Variants in COL5A1 observed in about 807,000 individuals in gnomAD.
COL5A1 encodes the protein collagen type V alpha 1 chain.
In COL5A1, 16 loss-of-function variants were observed where a neutral mutation model predicts 263.7. The observed-to-expected ratio is 0.06, with a 90% CI of 0.04 to 0.09. The LOEUF (loss-of-function observed/expected upper bound fraction) is 0.09. Among genes scored for constraint, COL5A1 ranks in the 10% least tolerant of loss-of-function variants. COL5A1 has a pLI of 1.00. For synonymous variants in COL5A1, 1,012 were observed against 1,004.5 expected, an observed-to-expected ratio of 1.01 and a Z score of -0.14; for missense variants, 2,036 against 2,540.5, an observed-to-expected ratio of 0.80 and a Z score of 4.27.
rs143859495 is a variant in COL5A1, at chr9:134,835,184, G to A, written c.5350G>A (p.Ala1784Thr). The change falls in exon 65 of 66, where the codon GCC (alanine) becomes ACC (threonine). Residue 1784 changes from alanine to threonine, a missense_variant. Ala to Thr is a moderately conservative substitution (Grantham distance 58). Transcript: ENST00000371817. ...MSYDNNPYIRALVDGCATKKG... is the reference protein window; with the variant it reads ...MSYDNNPYIRTLVDGCATKKG... ...CTATGACAACAACCCCTACATCCGC[G>A]CCCTGGTGGACGGCTGTGCTGTGAG... 1.1e-3 allele frequency: 1,714 copies of A among 1,613,598 alleles called. 4 individuals are homozygous for A. Among genetic ancestry groups the A allele is most frequent in the South Asian group, 1.6e-3 (148 of 91,080 alleles).
chr9:134,762,012 C>T, intron 19 of COL5A1, 34 bp downstream of exon 19: 1 of 1,604,972 alleles, frequency 6.2e-7, no homozygotes, highest in Non-Finnish European at 8.5e-7. Flanking sequence ...ACTGCTCCTG[C>T]CTGCCCTACT....
At chr9:134,744,779 G>GCA (rs986792850) in intron 11 of COL5A1, among the ~76,000 whole-genome samples, 2 of 149,442 alleles carry the variant, frequency 1.3e-5, no homozygotes, top group Non-Finnish European at 1.5e-5. Context: ...ACTCATACAT[G>GCA]CACACACATA....
chr9:134,770,364 G>A (rs905151086), intron 25 of COL5A1, among the ~76,000 whole-genome samples: 4 of 152,198 alleles, frequency 2.6e-5, no homozygotes, highest in South Asian at 2.1e-4. Context: ...GATAGCACAC[G>A]CTGGGGAAAT....
intron 1 of COL5A1, among the ~76,000 whole-genome samples, chr9:134,683,049 G>A (rs1832908257): frequency 6.6e-6 from 1 of 152,226 alleles, no homozygotes; most frequent in South Asian, 2.1e-4. Context: ...TCCTGGGCAG[G>A]GGAGGCACCC....
intron 11 of COL5A1, among the ~76,000 whole-genome samples, chr9:134,747,330 G>C (rs575557588): frequency 1.3e-4 from 20 of 152,330 alleles, no homozygotes; most frequent in African/African-American, 4.8e-4. Flanking sequence ...ATGCTGAAAA[G>C]AGGGTCTTTG....
chr9:134,703,738 C>T (rs368019300), intron 4 of COL5A1, among the ~76,000 whole-genome samples: 10 of 150,112 alleles, frequency 6.7e-5, no homozygotes, highest in East Asian at 6.0e-4. Context: ...CCCGGGTTCA[C>T]GCCATTCTCC....
chr9:134,690,821 T>G (rs13284050), intron 1 of COL5A1, 91 bp from the exon 2 acceptor site: 1 of 1,456,744 alleles, frequency 6.9e-7, no homozygotes. Flanking sequence ...GTGGTGGGGG[T>G]GGGGGTGCTT....
rs182785688 is a variant in COL5A1, at chr9:134,764,242, C to T, written c.2034+505C>T. On this transcript the variant is annotated intron_variant, in intron 20 of 65. Transcript: ENST00000371817. ...GGTCTAGGGGCAACATGGCAGGGTTCAGTGGCACCATAGGGGGTCCGAGGG... is the reference window on the plus strand; with the variant it reads ...GGTCTAGGGGCAACATGGCAGGGTTTAGTGGCACCATAGGGGGTCCGAGGG... Among the ~76,000 whole-genome samples the T allele has an allele frequency of 8.6e-4, 93 of 108,080 alleles. 1 individual carries two copies. The highest frequency in any genetic ancestry group is 3.3e-3 in the African/African-American group (88 of 26,380). 70.9% of individuals were successfully genotyped at this position (108,080 alleles called of 152,430 possible). A position where few individuals can be genotyped will look rare whatever the true frequency, so the allele number is the denominator to read the frequency against.
In COL5A1 at chr9:134,764,770, AAGG is replaced by A. The variant is rs542810298; in HGVS notation, c.2035-908_2035-906del. Among the ~76,000 whole-genome samples the A allele has an allele frequency of 1.9e-4, 29 of 152,240 alleles. No individual in the cohort carries two copies. In the South Asian group the frequency reaches 5.8e-3, roughly 31 times the overall value. ...TACCCCAGATGTCTGATTAGCCTCT[AAGG>A]AGAATTCATGAACTCCACTCTCTCC... On this transcript the variant is annotated intron_variant, in intron 20 of 65. Transcript: ENST00000371817.
rs949972303 is a variant in COL5A1, at chr9:134,841,172, C to A, written c.5371-985C>A. Among the ~76,000 whole-genome samples, 3 of 152,188 alleles carry A rather than the reference C, an allele frequency of 2.0e-5. No individual in the cohort carries two copies. Among genetic ancestry groups the A allele is most frequent in the Non-Finnish European group, 4.4e-5 (3 of 68,034 alleles). On this transcript the variant is annotated intron_variant, in intron 65 of 65. Transcript: ENST00000371817. The surrounding 1 kb of genome is among the most constrained non-coding windows in gnomAD (Gnocchi z 4.8). ...AAGGAGATCCTTCCCAGGCCCAGAT[C>A]CAGCTGCGACTGTAAATCCAGTCTG...
At position 134,757,411 on chromosome 9, in the gene COL5A1, G is replaced by T. The variant is rs539052462; in HGVS notation, c.1881+593G>T. On this transcript the variant is annotated intron_variant, in intron 17 of 65. Coordinates refer to ENST00000371817, the MANE Select transcript of COL5A1 (RefSeq NM_000093.5). This position sits in a 1 kb window ranked among gnomAD's most constrained non-coding sequence, Gnocchi z 6.2. ...AAGCATTTGTCCCAGGCCACGGGGGGCAGGGGAGATACTGACCTTCCGTGA... is the reference window on the plus strand; with the variant it reads ...AAGCATTTGTCCCAGGCCACGGGGGTCAGGGGAGATACTGACCTTCCGTGA... Among the ~76,000 whole-genome samples, 24 of 152,302 alleles carry T rather than the reference G, an allele frequency of 1.6e-4. No individual in the cohort carries two copies. The South Asian group carries it at 4.8e-3, about 30-fold the overall frequency.
intron 18 of COL5A1, 55 bp from the exon 19 acceptor site, chr9:134,761,870 C>A (rs992562229): frequency 1.3e-6 from 2 of 1,559,018 alleles, no homozygotes; most frequent in Admixed American, 3.3e-5. Flanking sequence ...GGACCTTGGA[C>A]AAGCCCTGCA....
At chr9:134,782,000 AC>A (rs1328521187) in intron 28 of COL5A1, among the ~76,000 whole-genome samples, 2 of 152,188 alleles carry the variant, frequency 1.3e-5, no homozygotes, top group African/African-American at 4.8e-5. Context: ...TCTGGGAGCC[AC>A]CCGTGCCCTC....
chr9:134,816,993 T>C, intron 52 of COL5A1, 33 bp from the exon 53 acceptor site: 1 of 1,606,434 alleles, frequency 6.2e-7, no homozygotes, highest in Non-Finnish European at 8.5e-7. Context: ...CGGGCCCCAA[T>C]TCCTCACACT....
intron 64 of COL5A1, among the ~76,000 whole-genome samples, chr9:134,833,879 G>A (rs574609958): frequency 6.6e-6 from 1 of 152,364 alleles, no homozygotes; most frequent in African/African-American, 2.4e-5. Context: ...GGGGGCCAGA[G>A]CTGGAGTGGA....
intron 4 of COL5A1, among the ~76,000 whole-genome samples, chr9:134,705,305 G>A (rs1354873971): frequency 6.6e-6 from 1 of 152,216 alleles, no homozygotes; most frequent in Non-Finnish European, 1.5e-5. Flanking sequence ...TGCTGTGCCC[G>A]CAGCCTCCCT....
intron 32 of COL5A1, among the ~76,000 whole-genome samples, chr9:134,790,429 C>CCCAT (rs1412246894): frequency 8.9e-6 from 1 of 112,412 alleles, no homozygotes. Flanking sequence ...CAGCCACCCA[C>CCCAT]CCATCCATCC....
At chr9:134,679,410 G>T (rs1389255539) in intron 1 of COL5A1, among the ~76,000 whole-genome samples, 1 of 93,028 alleles carries the variant, frequency 1.1e-5, no homozygotes, top group Admixed American at 1.3e-4. Context: ...TTCTTAGGGG[G>T]CACTGTGGGG....
chr9:134,740,673 G>A (rs558827300), intron 11 of COL5A1, among the ~76,000 whole-genome samples: 1 of 152,326 alleles, frequency 6.6e-6, no homozygotes, highest in Non-Finnish European at 1.5e-5. Flanking sequence ...TCAATGGTGT[G>A]AACCAGAGGG....
Sources: gnomAD v4.1 joint callset for allele counts (sites outside exome capture counted in the v4.1 genomes callset) on GRCh38, gnomAD v4.1.1 for gene constraint, Gnocchi (gnomAD v3.1) non-coding constraint, MANE v1.5 for transcripts, NCBI Gene and HGNC (gene_info 2026-07-23, HGNC 2026-07-21) for gene names.